Variants in RGS9 observed in about 807,000 individuals in gnomAD.
RGS9 encodes the protein regulator of G-protein signalling 9.
A neutral mutation model predicts 102.0 loss-of-function variants in RGS9; 78 were observed. The observed-to-expected ratio is 0.76, with a 90% CI of 0.64 to 0.92. The LOEUF (loss-of-function observed/expected upper bound fraction) is 0.92. Ranked by LOEUF, RGS9 falls within the 40% of genes least tolerant of loss-of-function variation. The probability of loss-of-function intolerance (pLI) is 0.00; values close to 1 mark genes in which losing one functional copy is unlikely to be tolerated. For synonymous variants in RGS9, 353 were observed against 318.6 expected (o/e 1.11, Z -1.15); for missense variants, 833 against 866.1 (o/e 0.96, Z 0.48).
chr17:65,203,092 C>G (rs1222155055), intron 14 of RGS9, among the ~76,000 whole-genome samples: 1 of 152,228 alleles, frequency 6.6e-6, no homozygotes, highest in East Asian at 1.9e-4. Context: ...GCCTCTGGAC[C>G]CTGGATGTCC....
At chr17:65,216,855 G>GAAGGA (rs1211982484) in intron 17 of RGS9, among the ~76,000 whole-genome samples, 1 of 152,202 alleles carries the variant, frequency 6.6e-6, no homozygotes, top group Non-Finnish European at 1.5e-5. Context: ...TAAGTGCTCT[G>GAAGGA]AAGGAAAGGA....
At position 65,227,542 on chromosome 17, in the gene RGS9, T is replaced by C. The variant is rs555686444; in HGVS notation, c.*135T>C. ...ACATTTGAAGATTGGGGAGACAAGA[T>C]GGGGTAGATTGTGGCAAAGAATGCT... On this transcript the variant is annotated 3_prime_UTR_variant, in exon 19 of 19. Transcript: ENST00000262406. 2.8e-4 allele frequency: 349 copies of C among 1,234,866 alleles called. 5 individuals carry two copies. In the South Asian group the frequency reaches 4.4e-3, roughly 16 times the overall value. 76.5% of individuals were successfully genotyped at this position (1,234,866 alleles called of 1,614,324 possible). A position where few individuals can be genotyped will look rare whatever the true frequency, so the allele number is the denominator to read the frequency against.
At chr17:65,177,460 C>A (rs1031466777) in intron 8 of RGS9, among the ~76,000 whole-genome samples, 1 of 152,160 alleles carries the variant, frequency 6.6e-6, no homozygotes, top group Admixed American at 6.5e-5. Flanking sequence ...ATTTTTCCAT[C>A]CATCCACCCA....
At position 65,225,226 on chromosome 17, in the gene RGS9, G is replaced by A. The variant is rs1905590966; in HGVS notation, c.1632G>A (p.Gly544=). The A allele has an allele frequency of 6.2e-7, 1 of 1,611,926 alleles. No homozygotes were observed. Among genetic ancestry groups the A allele is most frequent in the African/African-American group, 1.3e-5 (1 of 75,022 alleles). ...SGLEQKGECS[G]SMAPRGPSVT... ...TGGAGCAGAAAGGGGAGTGCAGCGGGTCCATGGCCCCCCGTGGGCCCTCTG... is the reference window on the plus strand; with the variant it reads ...TGGAGCAGAAAGGGGAGTGCAGCGGATCCATGGCCCCCCGTGGGCCCTCTG... The change falls in exon 18 of 19, where the codon GGG becomes GGA. Residue 544 remains glycine (G), a synonymous_variant. Coordinates refer to ENST00000262406, the MANE Select transcript of RGS9 (RefSeq NM_003835.4).
intron 17 of RGS9, among the ~76,000 whole-genome samples, chr17:65,223,423 C>T (rs1322082876): frequency 4.6e-5 from 7 of 152,240 alleles, no homozygotes; most frequent in Admixed American, 4.6e-4. Context: ...GCCCTCCATG[C>T]CCTCCTGGCC....
rs201444204 is a variant in RGS9 at position 65,153,443 on chromosome 17, A to G, written c.79A>G (p.Met27Val). 4.2e-5 allele frequency: 68 copies of G among 1,614,150 alleles called. 1 individual carries two copies. The Admixed American group carries it at 8.5e-4, about 20-fold the overall frequency. Reference sequence around the variant, plus strand: ...GCAGATTGAAGCGCTCGTGAAGGACATGCAGAACCCAGAGACAGGGGTCCG... The same window carrying G: ...GCAGATTGAAGCGCTCGTGAAGGACGTGCAGAACCCAGAGACAGGGGTCCG... ...LQKIEALVKDMQNPETGVRMQ... is the reference protein window; with the variant it reads ...LQKIEALVKDVQNPETGVRMQ... The change falls in exon 2 of 19, where the codon ATG becomes GTG. Residue 27 changes from methionine (M) to valine (V), a missense_variant. Physicochemically the swap from Met to Val is conservative, Grantham distance 21. Around this residue, in one of 3 missense-constraint regions of RGS9, gnomAD observed 328 missense variants for 340.6 expected, o/e 0.96. Coordinates refer to ENST00000262406, the MANE Select transcript of RGS9 (RefSeq NM_003835.4).
intron 9 of RGS9, among the ~76,000 whole-genome samples, chr17:65,179,043 TTAGG>T (rs1284184375): frequency 2.0e-5 from 3 of 152,168 alleles, no homozygotes; most frequent in Admixed American, 2.0e-4. Context: ...TAAACAGATC[TTAGG>T]TAGTTTCATT....
At position 65,193,590 on chromosome 17, in the gene RGS9, C is replaced by T; in HGVS notation, c.794C>T (p.Ser265Leu). 1.9e-6 allele frequency: 3 copies of T among 1,613,964 alleles called. No individual in the cohort carries two copies. Among genetic ancestry groups the T allele is most frequent in the Non-Finnish European group, 2.5e-6 (3 of 1,179,830 alleles). ...EQFSSNDAIM[S>L]GCLPSNPWIT... ...TTCTCATCCAACGATGCCATCATGT[C>T]AGGCTGCCTCCCCAGCAACCCCTGG... The change falls in exon 12 of 19, where the codon TCA becomes TTA. Residue 265 changes from serine (S) to leucine (L), a missense_variant. This residue lies in a region of RGS9 where 328 missense variants were observed against 340.6 expected (regional missense o/e 0.96). Transcript: ENST00000262406.
At chr17:65,149,823 T>C (rs564780266) in intron 1 of RGS9, among the ~76,000 whole-genome samples, 2 of 152,318 alleles carry the variant, frequency 1.3e-5, no homozygotes, top group African/African-American at 2.4e-5. Context: ...CCCCATTTTA[T>C]GGAGAGAAAG....
chr17:65,220,310 G>T (rs146204337), intron 17 of RGS9, among the ~76,000 whole-genome samples: 13 of 152,210 alleles, frequency 8.5e-5, no homozygotes, highest in African/African-American at 3.1e-4. Flanking sequence ...TCCAGAGAAC[G>T]TTAGGATATA....
At chr17:65,142,026 G>A (rs901144113) in intron 1 of RGS9, among the ~76,000 whole-genome samples, 16 of 152,222 alleles carry the variant, frequency 1.1e-4, no homozygotes, top group African/African-American at 3.9e-4. Context: ...GGAGGCTGAG[G>A]TGGACGGATC....
In RGS9 at chr17:65,210,511, G is replaced by T. The variant is rs761061220; in HGVS notation, c.1313G>T (p.Arg438Leu). ...AGCTCCACCCTCCCTTTTATGCGGC[G>T]TCACCTGCGCTCCAGCCCAAGCCCT... Reference protein sequence around the residue: ...KKSSTLPFMRRHLRSSPSPVI... With the variant: ...KKSSTLPFMRLHLRSSPSPVI... The change falls in exon 17 of 19, where the codon CGT becomes CTT. Residue 438 changes from arginine (R) to leucine (L), a missense_variant. Arg to Leu is a moderately radical substitution (Grantham distance 102). Around this residue, in one of 3 missense-constraint regions of RGS9, gnomAD observed 185 missense variants for 248.7 expected, o/e 0.74. Transcript: ENST00000262406. 6.2e-7 allele frequency: 1 copy of T among 1,613,408 alleles called. No homozygotes were observed. Among genetic ancestry groups the T allele is most frequent in the Non-Finnish European group, 8.5e-7 (1 of 1,179,980 alleles).
chr17:65,200,788 G>A (rs1382936211), intron 13 of RGS9, among the ~76,000 whole-genome samples: 1 of 152,084 alleles, frequency 6.6e-6, no homozygotes, highest in Non-Finnish European at 1.5e-5. Context: ...AAAAACTTGG[G>A]GGGATTTGCA....
At chr17:65,162,875 C>T (rs1278889565) in intron 6 of RGS9, 138 bp from the exon 7 acceptor site, 1 of 667,934 alleles carries the variant, frequency 1.5e-6, no homozygotes, top group Non-Finnish European at 2.8e-6. Flanking sequence ...CATGGTAAAA[C>T]CAGCTTAGAT....
In RGS9 at chr17:65,225,456, T is replaced by C. The variant is rs746934046; in HGVS notation, c.1862T>C (p.Leu621Pro). The change falls in exon 18 of 19, where the codon CTG (leucine) becomes CCG (proline). Residue 621 changes from leucine (L) to proline (P), a missense_variant. Around this residue, in one of 3 missense-constraint regions of RGS9, gnomAD observed 320 missense variants for 276.8 expected, o/e 1.16. Transcript: ENST00000262406. ...VQPLGDVGQQ[L>P]PRLKSKRVAN... ...CCCCTGGGGGACGTGGGCCAGCAGC[T>C]GCCACGATTGAAATCCAAGAGAGTA... The C allele has an allele frequency of 6.9e-6, 11 of 1,605,136 alleles. No homozygotes were observed. Among genetic ancestry groups the C allele is most frequent in the African/African-American group, 1.3e-5 (1 of 74,936 alleles).
rs1911267581 is a variant in RGS9, at chr17:65,168,183, G to C, written c.501-17G>C. 1 of 1,592,972 alleles carries C rather than the reference G, an allele frequency of 6.3e-7. No homozygotes were observed. Among genetic ancestry groups the C allele is most frequent in the African/African-American group, 1.3e-5 (1 of 74,610 alleles). Reference sequence around the variant, plus strand: ...ACAAAGTCTTCCTGGCCTTACACGTGGCTTTTGGCTTTCCAGGGCTGGAAA... The same window carrying C: ...ACAAAGTCTTCCTGGCCTTACACGTCGCTTTTGGCTTTCCAGGGCTGGAAA... On this transcript the variant is annotated splice_polypyrimidine_tract_variant and intron_variant, in intron 7 of 18. Coordinates refer to ENST00000262406, the MANE Select transcript of RGS9 (RefSeq NM_003835.4).
chr17:65,160,940 A>G (rs1910960805), intron 6 of RGS9, 31 bp downstream of exon 6: 5 of 1,555,302 alleles, frequency 3.2e-6, no homozygotes, highest in East Asian at 2.2e-5. Flanking sequence ...AGAGGTTGTT[A>G]TAATTGAGTG....
chr17:65,209,244 A>T (rs1326867329), intron 16 of RGS9, among the ~76,000 whole-genome samples: 1 of 152,182 alleles, frequency 6.6e-6, no homozygotes. Context: ...CAGGTATAAG[A>T]CAATGTATTC....
Position 65,164,326 on chromosome 17 carries a change from G to A in RGS9, c.500+1237G>A, listed in dbSNP as rs527459332. ...GGGATTTCCTGTGTGTATCAGAGCA[G>A]CCCTGTCATCCTGCTCATGAGTCAC... On this transcript the variant is annotated intron_variant, in intron 7 of 18. Transcript: ENST00000262406. 2.6e-5 allele frequency among the ~76,000 whole-genome samples: 4 copies of A among 152,310 alleles called. No individual in the cohort carries two copies. The South Asian group carries it at 8.3e-4, about 32-fold the overall frequency.
Sources: allele counts gnomAD v4.1 joint callset (sites outside exome capture counted in the v4.1 genomes callset), GRCh38; gene constraint gnomAD v4.1.1; regional missense constraint gnomAD v4.1.1; transcripts MANE v1.5; gene names NCBI Gene and HGNC (gene_info 2026-07-23, HGNC 2026-07-21).